PCOLCE2: variants seen among roughly 807,000 people sequenced by gnomAD.
The protein encoded by PCOLCE2 is procollagen C-endopeptidase enhancer 2, also known as procollagen C-proteinase enhancer 2.
Under a neutral mutation model 47.0 loss-of-function variants are expected in PCOLCE2, and 42 were observed. The observed-to-expected ratio is 0.89, with a 90% CI of 0.70 to 1.16. The LOEUF is 1.16. Ranked by LOEUF, PCOLCE2 falls within the 50% of genes most tolerant of loss-of-function variation. The pLI, the probability that PCOLCE2 is intolerant of heterozygous loss-of-function variation, is 0.00. For missense variants in PCOLCE2, 500 were observed against 526.1 expected, an observed-to-expected ratio of 0.95 and a Z score of 0.49; for synonymous variants, 169 against 191.7, an observed-to-expected ratio of 0.88 and a Z score of 0.98.
At chr3:142,822,003 C>T (rs1937021420) in intron 7 of PCOLCE2, among the ~76,000 whole-genome samples, 1 of 152,012 alleles carries the variant, frequency 6.6e-6, no homozygotes, top group Non-Finnish European at 1.5e-5. Flanking sequence ...CTGCAACCTC[C>T]ACCTCCCAGG....
intron 6 of PCOLCE2, chr3:142,827,258 A>G (rs1937091479): frequency 8.1e-7 from 1 of 1,235,202 alleles, no homozygotes; most frequent in African/African-American, 1.5e-5. Flanking sequence ...CATAGGGTTC[A>G]TGGCCACATC....
At chr3:142,837,307 G>A (rs1039347242) in intron 5 of PCOLCE2, among the ~76,000 whole-genome samples, 3 of 152,188 alleles carry the variant, frequency 2.0e-5, no homozygotes, top group African/African-American at 7.2e-5. Context: ...GTCGCTGCAC[G>A]TGTGGCAATT....
intron 2 of PCOLCE2, among the ~76,000 whole-genome samples, chr3:142,867,674 T>A (rs1032355145): frequency 4.6e-5 from 7 of 152,228 alleles, no homozygotes; most frequent in Non-Finnish European, 7.4e-5. Flanking sequence ...ATGACTAGAA[T>A]TTTGCCCACC....
intron 2 of PCOLCE2, among the ~76,000 whole-genome samples, chr3:142,856,617 G>T (rs2108201578): frequency 6.6e-6 from 1 of 152,362 alleles, no homozygotes; most frequent in African/African-American, 2.4e-5. Context: ...ACCCACAGAA[G>T]CAGGAAGGCT....
chr3:142,868,215 G>A (rs1933320113), intron 2 of PCOLCE2, among the ~76,000 whole-genome samples: 1 of 152,206 alleles, frequency 6.6e-6, no homozygotes, highest in South Asian at 2.1e-4. Context: ...CACTGTCTAG[G>A]ACAGTGTTTC....
intron 2 of PCOLCE2, among the ~76,000 whole-genome samples, chr3:142,859,153 C>T (rs1194817749): frequency 6.6e-6 from 1 of 151,934 alleles, no homozygotes; most frequent in African/African-American, 2.4e-5. Context: ...ACCTCCTCCT[C>T]CTGGGTTCAA....
intron 5 of PCOLCE2, among the ~76,000 whole-genome samples, chr3:142,832,320 G>A (rs1266440001): frequency 2.0e-5 from 3 of 152,026 alleles, no homozygotes; most frequent in Non-Finnish European, 4.4e-5. Context: ...GTCCTGTCAC[G>A]CCTGGCCTAA....
chr3:142,829,471 G>T (rs1230544516), intron 6 of PCOLCE2, among the ~76,000 whole-genome samples: 1 of 152,050 alleles, frequency 6.6e-6, no homozygotes, highest in Non-Finnish European at 1.5e-5. Flanking sequence ...TTGTTCAATG[G>T]TCATAATTTT....
chr3:142,881,866 A>G (rs755212624), intron 2 of PCOLCE2, among the ~76,000 whole-genome samples: 2 of 152,218 alleles, frequency 1.3e-5, no homozygotes, highest in Non-Finnish European at 2.9e-5. Flanking sequence ...AGATCTTTCT[A>G]TGTAAGACAA....
At chr3:142,818,538 A>G in intron 8 of PCOLCE2, 73 bp from the exon 9 acceptor site, 21 of 1,069,706 alleles carry the variant, frequency 2.0e-5, no homozygotes, top group Non-Finnish European at 2.9e-5. Context: ...ACTGTAAGTT[A>G]CCTCTAGATA....
intron 8 of PCOLCE2, among the ~76,000 whole-genome samples, chr3:142,819,376 C>T (rs1936987526): frequency 6.6e-6 from 1 of 152,134 alleles, no homozygotes; most frequent in South Asian, 2.1e-4. Flanking sequence ...TTTTCTCTTG[C>T]ATTTTCCTGT....
intron 8 of PCOLCE2, among the ~76,000 whole-genome samples, chr3:142,820,537 G>C (rs1302030596): frequency 1.3e-5 from 2 of 152,088 alleles, no homozygotes; most frequent in Non-Finnish European, 2.9e-5. Context: ...CTTCGGGTCT[G>C]CATTTCCTGT....
chr3:142,854,434 G>A (rs1933026796), intron 2 of PCOLCE2, among the ~76,000 whole-genome samples: 2 of 152,082 alleles, frequency 1.3e-5, no homozygotes, highest in Admixed American at 6.6e-5. Flanking sequence ...AAAATATTTG[G>A]CAGTCTTTCT....
At chr3:142,865,459 G>A (rs954053912) in intron 2 of PCOLCE2, among the ~76,000 whole-genome samples, 4 of 151,974 alleles carry the variant, frequency 2.6e-5, no homozygotes, top group African/African-American at 7.3e-5. Flanking sequence ...CCAAGAGTGA[G>A]AGGCAAGGAA....
At chr3:142,825,420 C>T (rs1347164392) in intron 6 of PCOLCE2, among the ~76,000 whole-genome samples, 1 of 152,160 alleles carries the variant, frequency 6.6e-6, no homozygotes, top group African/African-American at 2.4e-5. Flanking sequence ...CCCTCCCTGG[C>T]TGTGTTCCCG....
intron 3 of PCOLCE2, among the ~76,000 whole-genome samples, chr3:142,846,301 G>A (rs575602001): frequency 6.6e-5 from 10 of 152,282 alleles, no homozygotes; most frequent in Admixed American, 2.0e-4. Flanking sequence ...AGGTTCAAGC[G>A]ATTCTCCTGC....
Position 142,871,831 on chromosome 3 carries a change from T to C in PCOLCE2, c.192+15838A>G, listed in dbSNP as rs144531202. Among the ~76,000 whole-genome samples, 3 of 152,344 alleles carry C rather than the reference T, an allele frequency of 2.0e-5. No individual in the cohort carries two copies. In the East Asian group the frequency reaches 5.8e-4, roughly 29 times the overall value. Reference sequence around the variant, plus strand: ...TAGATATTCAATACACATATGTACTTGTATTAATATATACATACATATTTT... The same window carrying C: ...TAGATATTCAATACACATATGTACTCGTATTAATATATACATACATATTTT... On this transcript the variant is annotated intron_variant, in intron 2 of 8. Coordinates refer to ENST00000295992, the MANE Select transcript of PCOLCE2 (RefSeq NM_013363.4).
rs1266371785 is a variant in PCOLCE2 at position 142,887,800 on chromosome 3, G to C, written c.84-23C>G. The C allele has an allele frequency of 8.5e-6, 11 of 1,295,170 alleles. No homozygotes were observed. In the South Asian group the frequency reaches 1.3e-4, roughly 15 times the overall value. 80.2% of individuals were successfully genotyped at this position (1,295,170 alleles called of 1,614,324 possible). ...GGTCTGGGAACATAAAAGAAGAAAA[G>C]ATAATGTAATTTGAAACATGGTCTA... On this transcript the variant is annotated intron_variant, in intron 1 of 8. Transcript: ENST00000295992.
intron 2 of PCOLCE2, among the ~76,000 whole-genome samples, chr3:142,873,672 T>A (rs1176990335): frequency 6.6e-6 from 1 of 152,178 alleles, no homozygotes; most frequent in Non-Finnish European, 1.5e-5. Flanking sequence ...TCTGGAATGT[T>A]CACCTATACT....
Sources: allele counts gnomAD v4.1 joint callset (sites outside exome capture counted in the v4.1 genomes callset), GRCh38; gene constraint gnomAD v4.1.1; transcripts MANE v1.5; gene names NCBI Gene and HGNC (gene_info 2026-07-23, HGNC 2026-07-21).